Variants in GYG1 observed in about 807,000 individuals in gnomAD.
GYG1 encodes the protein glycogenin-1.
Under a neutral mutation model 41.9 loss-of-function variants are expected in GYG1, and 44 were observed. The observed-to-expected ratio is 1.05, with a 90% CI of 0.83 to 1.35. The LOEUF is 1.35. Ranked by LOEUF, GYG1 falls within the 40% of genes most tolerant of loss-of-function variation. The pLI is 0.00. For synonymous variants in GYG1, 141 were observed against 158.1 expected, an observed-to-expected ratio of 0.89 and a Z score of 0.81; for missense variants, 429 against 418.9, an observed-to-expected ratio of 1.02 and a Z score of -0.21.
At chr3:149,019,587 C>G (rs902794104) in intron 5 of GYG1, among the ~76,000 whole-genome samples, 1 of 152,198 alleles carries the variant, frequency 6.6e-6, no homozygotes, top group Non-Finnish European at 1.5e-5. Context: ...TATGAAAGGA[C>G]TATCCAGTGG....
intron 4 of GYG1, among the ~76,000 whole-genome samples, chr3:149,008,479 C>G (rs1482823220): frequency 1.3e-5 from 2 of 152,222 alleles, no homozygotes; most frequent in Non-Finnish European, 2.9e-5. Flanking sequence ...GGTCCCCCGT[C>G]TTTCCCCCAT....
At position 149,017,582 on chromosome 3, in the gene GYG1, G is replaced by GTTTTTTTTTT. The variant is rs58075146; in HGVS notation, c.609-6450_609-6441dup. 1.9e-4 allele frequency among the ~76,000 whole-genome samples: 9 copies of GTTTTTTTTTT among 47,378 alleles called. 2 individuals carry two copies. Among genetic ancestry groups the GTTTTTTTTTT allele is most frequent in the African/African-American group, 3.9e-4 (7 of 18,084 alleles). 31.1% of individuals were successfully genotyped at this position (47,378 alleles called of 152,430 possible). ...TTATTTATTTATTTCTTTTATTTAG[G>GTTTTTTTTTT]TTTTTTTTTTTTTTTTTTTTTTTTT... On this transcript the variant is annotated intron_variant, in intron 5 of 7. Coordinates refer to ENST00000345003, the MANE Select transcript of GYG1 (RefSeq NM_004130.4).
intron 5 of GYG1, among the ~76,000 whole-genome samples, chr3:149,020,539 G>A (rs1411964715): frequency 6.6e-6 from 1 of 152,184 alleles, no homozygotes; most frequent in African/African-American, 2.4e-5. Context: ...TCATTTTGGA[G>A]ATTAACTGAG....
intron 4 of GYG1, among the ~76,000 whole-genome samples, chr3:148,997,680 G>C (rs936576739): frequency 1.3e-5 from 2 of 152,196 alleles, no homozygotes; most frequent in African/African-American, 4.8e-5. Context: ...TGCAGAAGGA[G>C]TTCTTTGAAA....
rs201376488 is a variant in GYG1 at position 148,996,922 on chromosome 3, T to G, written c.481+18T>G. The stretch of plus-strand genomic sequence containing the variant: ...TTTTGATGGTATGTATTTGCTATCT[T>G]CATGTCTGATAAGCTGTTAATAGTA... On this transcript the variant is annotated intron_variant, in intron 4 of 7. Transcript: ENST00000345003. 1 of 1,587,252 alleles carries G rather than the reference T, an allele frequency of 6.3e-7. No individual in the cohort carries two copies. The highest frequency in any genetic ancestry group is 1.7e-5 in the Admixed American group (1 of 59,974).
chr3:148,997,357 C>T (rs1712861587), intron 4 of GYG1, among the ~76,000 whole-genome samples: 1 of 151,384 alleles, frequency 6.6e-6, no homozygotes, highest in East Asian at 1.9e-4. Flanking sequence ...TTCTCTCAGG[C>T]GGCATAAAAA....
At chr3:148,994,017 T>C in intron 1 of GYG1, 125 bp from the exon 2 acceptor site, 1 of 823,618 alleles carries the variant, frequency 1.2e-6, no homozygotes, top group South Asian at 1.5e-5. Context: ...TACAGCTTGA[T>C]TCATAGAGAA....
chr3:149,007,033 T>C (rs942892939), intron 4 of GYG1, among the ~76,000 whole-genome samples: 1 of 152,218 alleles, frequency 6.6e-6, no homozygotes, highest in African/African-American at 2.4e-5. Context: ...TTTCTCACAG[T>C]TCTAGAGGCT....
chr3:149,006,907 A>G (rs1713435496), intron 4 of GYG1, among the ~76,000 whole-genome samples: 1 of 152,214 alleles, frequency 6.6e-6, no homozygotes, highest in Admixed American at 6.5e-5. Flanking sequence ...GAATACATTA[A>G]TTTGCCTATT....
At chr3:149,008,764 A>G (rs2107901921) in intron 4 of GYG1, 1 of 177,178 alleles carries the variant, frequency 5.6e-6, no homozygotes, top group South Asian at 1.2e-4. Context: ...AGTATCTGGT[A>G]CATAGTAGCT....
rs1395806647 is a variant in GYG1, at chr3:149,031,281, T to C, written c.*4348T>C. ...CAATTGTTTACATTCAGGATTAAGA[T>C]GTCTTTAAGAGTTGAAACGACTTTG... On this transcript the variant is annotated 3_prime_UTR_variant, in exon 8 of 8. Transcript: ENST00000345003. 6 of 152,682 alleles carry C rather than the reference T, an allele frequency of 3.9e-5. No homozygotes were observed. The highest frequency in any genetic ancestry group is 8.8e-5 in the Non-Finnish European group (6 of 68,044). 9.5% of individuals were successfully genotyped at this position (152,682 alleles called of 1,614,324 possible).
intron 4 of GYG1, among the ~76,000 whole-genome samples, chr3:148,998,408 TG>T (rs1028803625): frequency 8.5e-5 from 13 of 152,086 alleles, no homozygotes; most frequent in Non-Finnish European, 1.8e-4. Flanking sequence ...ATCTGATGAG[TG>T]GAGGTCCAGG....
intron 2 of GYG1, among the ~76,000 whole-genome samples, chr3:148,995,293 T>G (rs979233497): frequency 2.0e-5 from 3 of 152,214 alleles, no homozygotes; most frequent in Non-Finnish European, 2.9e-5. Context: ...CCGGGCACAC[T>G]AGTAACTTTG....
At chr3:149,020,876 G>C (rs535698850) in intron 5 of GYG1, among the ~76,000 whole-genome samples, 1 of 152,140 alleles carries the variant, frequency 6.6e-6, no homozygotes, top group African/African-American at 2.4e-5. Flanking sequence ...AGGGGTGGGC[G>C]TCCGAGGAGG....
intron 5 of GYG1, among the ~76,000 whole-genome samples, chr3:149,011,973 T>C (rs1713757361): frequency 6.6e-6 from 1 of 152,170 alleles, no homozygotes; most frequent in South Asian, 2.1e-4. Flanking sequence ...TGCTTTGTCT[T>C]GCCCATTGCT....
rs1157610348 is a variant in GYG1 at position 149,030,049 on chromosome 3, C to T, written c.*3116C>T. 1.3e-5 allele frequency: 2 copies of T among 152,120 alleles called. No homozygotes were observed. The highest frequency in any genetic ancestry group is 2.9e-5 in the Non-Finnish European group (2 of 68,002). The allele number at this position is 152,120 out of a possible 1,614,324, so 9.4% of individuals were successfully genotyped here. On this transcript the variant is annotated 3_prime_UTR_variant, in exon 8 of 8. Coordinates refer to ENST00000345003, the MANE Select transcript of GYG1 (RefSeq NM_004130.4). The stretch of plus-strand genomic sequence containing the variant: ...CATGTACTCTCAAAAAAATGTAACA[C>T]TTGCATAGAAATGTCACAATTAATG...
intron 5 of GYG1, among the ~76,000 whole-genome samples, chr3:149,016,210 G>A (rs528921265): frequency 1.1e-4 from 15 of 138,668 alleles, no homozygotes; most frequent in African/African-American, 4.1e-4. Flanking sequence ...GCAGTGAGCC[G>A]AGATCGTGCC....
At chr3:148,996,615 A>G in intron 3 of GYG1, 127 bp from the exon 4 acceptor site, 1 of 1,196,132 alleles carries the variant, frequency 8.4e-7, no homozygotes. Flanking sequence ...TCAGGGGATG[A>G]AGGAGAGGAG....
At chr3:149,016,029 G>A (rs1161298424) in intron 5 of GYG1, among the ~76,000 whole-genome samples, 1 of 151,716 alleles carries the variant, frequency 6.6e-6, no homozygotes, top group Non-Finnish European at 1.5e-5. Context: ...TTGAGAGGCC[G>A]CGGCAGGCAG....
Sources: allele counts gnomAD v4.1 joint callset (sites outside exome capture counted in the v4.1 genomes callset), GRCh38; gene constraint gnomAD v4.1.1; transcripts MANE v1.5; gene names NCBI Gene and HGNC (gene_info 2026-07-23, HGNC 2026-07-21).